Variants in RIGI observed in about 807,000 individuals in gnomAD.
RIGI encodes the protein antiviral innate immune response receptor RIG-I.
chr9:32,496,015 A>C, the RIGI span, among the ~76,000 whole-genome samples: 8 of 152,122 alleles, frequency 5.3e-5, no homozygotes, highest in Non-Finnish European at 5.9e-5. Context: ...CAGGTATATG[A>C]TTTGCAAACA....
chr9:32,521,920 G>C, the RIGI span, among the ~76,000 whole-genome samples: 1 of 151,988 alleles, frequency 6.6e-6, no homozygotes, highest in African/African-American at 2.4e-5. Flanking sequence ...TTGTTGTTTT[G>C]CATTGATTCT....
the RIGI span, chr9:32,525,968 G>T: frequency 1.0e-6 from 1 of 984,284 alleles, no homozygotes. Context: ...AGTCTGGCAG[G>T]CTCTCTGCAT....
chr9:32,479,478 A>G, the RIGI span, among the ~76,000 whole-genome samples: 22 of 152,160 alleles, frequency 1.4e-4, no homozygotes, highest in African/African-American at 5.3e-4. Flanking sequence ...TGTTTGTTTA[A>G]TATCTATTTT....
At chr9:32,488,228 T>C in the RIGI span, 1 of 1,609,278 alleles carries the variant, frequency 6.2e-7, no homozygotes, top group Non-Finnish European at 8.5e-7. Flanking sequence ...AAATTCCATA[T>C]TACTAACCAC....
chr9:32,481,820 G>T, the RIGI span, among the ~76,000 whole-genome samples: 1 of 152,162 alleles, frequency 6.6e-6, no homozygotes, highest in Non-Finnish European at 1.5e-5. Context: ...CCTGACCTCA[G>T]GTGATCCGCC....
chr9:32,466,329 TA>T, the RIGI span: 1 of 1,613,928 alleles, frequency 6.2e-7, no homozygotes, highest in African/African-American at 1.3e-5. Flanking sequence ...TCTGAAGGCG[TA>T]AAATAGAGTC....
chr9:32,526,017 C>T, the RIGI span: 3 of 1,418,660 alleles, frequency 2.1e-6, no homozygotes, highest in African/African-American at 1.4e-5. Context: ...AAAAACAAGT[C>T]CTCAATTGTT....
chr9:32,492,340 T>A, the RIGI span: 1 of 1,602,030 alleles, frequency 6.2e-7, no homozygotes, highest in Non-Finnish European at 8.5e-7. Context: ...AAAAGACCGG[T>A]TGGAATGAGC....
chr9:32,498,247 C>T, the RIGI span: 1 of 456,446 alleles, frequency 2.2e-6, no homozygotes, highest in South Asian at 1.5e-5. Context: ...AAAAACTCCA[C>T]CCTTGGATCT....
the RIGI span, chr9:32,457,567 A>AAAAT: frequency 8.1e-6 from 6 of 739,326 alleles, no homozygotes; most frequent in Non-Finnish European, 1.3e-5. Flanking sequence ...AGGAAAAAAA[A>AAAAT]AAATAGATTC....
At chr9:32,476,515 A>G in the RIGI span, among the ~76,000 whole-genome samples, 26 of 149,846 alleles carry the variant, frequency 1.7e-4, no homozygotes, top group Middle Eastern at 3.4e-3. Context: ...TAAGTGGGGG[A>G]AAAAAAAACA....
At chr9:32,513,977 C>T in the RIGI span, among the ~76,000 whole-genome samples, 2 of 152,192 alleles carry the variant, frequency 1.3e-5, no homozygotes, top group African/African-American at 4.8e-5. Flanking sequence ...TGAAAAAATG[C>T]TCATCATCAC....
the RIGI span, chr9:32,481,303 T>C: frequency 3.1e-6 from 5 of 1,598,264 alleles, no homozygotes; most frequent in Non-Finnish European, 2.6e-6. Flanking sequence ...CAGTAGGTGC[T>C]GTGACCAGAA....
chr9:32,524,610 T>TTG, the RIGI span, among the ~76,000 whole-genome samples: 1 of 133,742 alleles, frequency 7.5e-6, no homozygotes, highest in Non-Finnish European at 1.6e-5. Context: ...TTTTTTTTTT[T>TTG]TTTTTTTTTT....
the RIGI span, among the ~76,000 whole-genome samples, chr9:32,470,728 G>A: frequency 6.6e-6 from 1 of 152,122 alleles, no homozygotes; most frequent in African/African-American, 2.4e-5. Context: ...TACAAATTTA[G>A]CAAACTGAAC....
At chr9:32,485,378 C>T in the RIGI span, 4 of 840,630 alleles carry the variant, frequency 4.8e-6, no homozygotes, top group Admixed American at 9.3e-5. Context: ...AAACCTTTCT[C>T]TGCCTTTGAT....
the RIGI span, among the ~76,000 whole-genome samples, chr9:32,504,754 T>C: frequency 7.2e-6 from 1 of 138,032 alleles, no homozygotes; most frequent in Non-Finnish European, 1.5e-5. Flanking sequence ...ACATAAAATA[T>C]ATAAAATATA....
At chr9:32,505,759 T>G in the RIGI span, among the ~76,000 whole-genome samples, 3 of 152,220 alleles carry the variant, frequency 2.0e-5, no homozygotes, top group East Asian at 5.8e-4. Flanking sequence ...TTTTAGTGGC[T>G]GCATAGTTTT....
At chr9:32,487,576 A>G in the RIGI span, 1 of 1,614,054 alleles carries the variant, frequency 6.2e-7, no homozygotes, top group Non-Finnish European at 8.5e-7. Flanking sequence ...ATATAATCCA[A>G]GGCTTCATCT....
Sources: allele counts gnomAD v4.1 joint callset (sites outside exome capture counted in the v4.1 genomes callset), GRCh38; gene constraint gnomAD v4.1.1; transcripts MANE v1.5; gene names NCBI Gene and HGNC (gene_info 2026-07-23, HGNC 2026-07-21).